Variants in COL14A1 observed in about 807,000 individuals in gnomAD.
COL14A1 encodes the protein collagen type XIV alpha 1 chain.
In COL14A1, 136 loss-of-function variants were observed where a neutral mutation model predicts 230.3. The ratio of observed to expected loss-of-function variants is 0.59; its 90% CI spans 0.51 to 0.68. The LOEUF is 0.68. Among genes scored for constraint, COL14A1 ranks in the 30% least tolerant of loss-of-function variants. COL14A1 has a pLI of 0.00. For synonymous variants in COL14A1, 792 were observed against 784.1 expected (o/e 1.01, Z -0.17); for missense variants, 1,976 against 2,215.8 (o/e 0.89, Z 2.17).
intron 8 of COL14A1, among the ~76,000 whole-genome samples, chr8:120,200,715 T>A (rs574613712): frequency 1.6e-3 from 140 of 85,642 alleles, no homozygotes; most frequent in South Asian, 6.2e-3. Context: ...GTTTTCCTAT[T>A]TATATATATA....
chr8:120,281,565 T>TAAAAA (rs61230108), intron 31 of COL14A1, among the ~76,000 whole-genome samples: 1 of 138,134 alleles, frequency 7.2e-6, no homozygotes. Context: ...ACCCCGTCTT[T>TAAAAA]AAAAAAAAAA....
chr8:120,284,157 T>A (rs1437554173), intron 32 of COL14A1, among the ~76,000 whole-genome samples: 4 of 152,188 alleles, frequency 2.6e-5, no homozygotes, highest in African/African-American at 9.7e-5. Flanking sequence ...ATATTTGATA[T>A]CCCAGAATGG....
intron 36 of COL14A1, among the ~76,000 whole-genome samples, chr8:120,305,377 A>G (rs927654731): frequency 2.6e-5 from 4 of 152,264 alleles, no homozygotes; most frequent in Non-Finnish European, 5.9e-5. Context: ...ATTAAGGAAT[A>G]TGCCTAGGAC....
intron 24 of COL14A1, among the ~76,000 whole-genome samples, chr8:120,265,997 C>G (rs1253799512): frequency 6.6e-6 from 1 of 151,968 alleles, no homozygotes; most frequent in East Asian, 1.9e-4. Flanking sequence ...CTGTGAATGG[C>G]TATGTTTAGT....
intron 26 of COL14A1, among the ~76,000 whole-genome samples, chr8:120,271,627 CAG>C (rs1819668788): frequency 6.6e-6 from 1 of 151,486 alleles, no homozygotes; most frequent in Non-Finnish European, 1.5e-5. Context: ...AATTTCCAGA[CAG>C]AGAAAATGAT....
At chr8:120,341,434 T>A in intron 43 of COL14A1, 74 bp downstream of exon 43, 1 of 1,468,428 alleles carries the variant, frequency 6.8e-7, no homozygotes, top group Non-Finnish European at 9.5e-7. Flanking sequence ...TGATAAAGGA[T>A]CATCATTTAA....
intron 22 of COL14A1, among the ~76,000 whole-genome samples, chr8:120,253,309 C>T (rs1234015681): frequency 1.3e-5 from 2 of 152,070 alleles, no homozygotes; most frequent in Non-Finnish European, 2.9e-5. Context: ...ACGCCCAGCC[C>T]TGTGATTTTT....
At chr8:120,369,093 T>C (rs1262017293) in intron 46 of COL14A1, among the ~76,000 whole-genome samples, 1 of 152,206 alleles carries the variant, frequency 6.6e-6, no homozygotes, top group Non-Finnish European at 1.5e-5. Context: ...AGATGCATTT[T>C]GCTTGCCAGT....
intron 9 of COL14A1, among the ~76,000 whole-genome samples, chr8:120,204,700 G>A (rs1235110297): frequency 6.6e-6 from 1 of 152,164 alleles, no homozygotes; most frequent in Non-Finnish European, 1.5e-5. Context: ...TAGTACAATG[G>A]CTGGATCATA....
chr8:120,330,550 C>G (rs1821828563), intron 40 of COL14A1, among the ~76,000 whole-genome samples: 1 of 152,220 alleles, frequency 6.6e-6, no homozygotes, highest in South Asian at 2.1e-4. Flanking sequence ...TGTTCACAAT[C>G]ATGAGAACAT....
chr8:120,322,162 G>A lies in COL14A1; in HGVS notation c.4659+6165G>A, dbSNP rs562671682. On this transcript the variant is annotated intron_variant, in intron 40 of 47. Coordinates refer to ENST00000297848, the MANE Select transcript of COL14A1 (RefSeq NM_021110.4). ...ACTGCATGTTCTCACTTATAAGTGG[G>A]AACTGAACAATGAGATAACATGGAC... 1.9e-4 allele frequency among the ~76,000 whole-genome samples: 28 copies of A among 148,542 alleles called. No homozygotes were observed. In the South Asian group the frequency reaches 5.4e-3, roughly 28 times the overall value.
At chr8:120,136,488 G>T (rs1814711211) in intron 1 of COL14A1, among the ~76,000 whole-genome samples, 1 of 151,772 alleles carries the variant, frequency 6.6e-6, no homozygotes, top group South Asian at 2.1e-4. Flanking sequence ...CATGCTAAAT[G>T]ATTTAAAAAT....
At chr8:120,229,852 G>T (rs1350986828) in intron 18 of COL14A1, among the ~76,000 whole-genome samples, 2 of 152,222 alleles carry the variant, frequency 1.3e-5, no homozygotes, top group East Asian at 1.9e-4. Context: ...TTGCACTTCT[G>T]TTGCTCTCTG....
chr8:120,268,744 G>C (rs1369632262), intron 25 of COL14A1, among the ~76,000 whole-genome samples: 1 of 151,712 alleles, frequency 6.6e-6, no homozygotes, highest in African/African-American at 2.4e-5. Flanking sequence ...TTCTACCCCA[G>C]AGGTAACTCC....
intron 8 of COL14A1, among the ~76,000 whole-genome samples, chr8:120,200,352 T>C (rs894200103): frequency 7.9e-5 from 12 of 152,006 alleles, no homozygotes; most frequent in Non-Finnish European, 1.3e-4. Context: ...CAATCTTTAG[T>C]CCAAATAAAA....
intron 5 of COL14A1, among the ~76,000 whole-genome samples, chr8:120,183,023 G>A (rs1475998674): frequency 6.6e-6 from 1 of 151,920 alleles, no homozygotes; most frequent in Admixed American, 6.6e-5. Flanking sequence ...CACCACGCCC[G>A]GCCTAAAGCA....
intron 35 of COL14A1, among the ~76,000 whole-genome samples, 182 bp from the exon 36 acceptor site, chr8:120,300,550 G>A (rs774175132): frequency 1.3e-5 from 2 of 151,970 alleles, no homozygotes; most frequent in African/African-American, 2.4e-5. Flanking sequence ...CAGTGACTAG[G>A]AGGTACCCAT....
At chr8:120,295,611 T>C (rs2129994151) in intron 34 of COL14A1, among the ~76,000 whole-genome samples, 1 of 151,988 alleles carries the variant, frequency 6.6e-6, no homozygotes, top group East Asian at 1.9e-4. Context: ...CTGTCCTCAA[T>C]ACTGTCACTG....
chr8:120,157,948 G>C (rs1472419421), intron 2 of COL14A1, among the ~76,000 whole-genome samples, 182 bp from the exon 3 acceptor site: 2 of 152,182 alleles, frequency 1.3e-5, no homozygotes, highest in African/African-American at 2.4e-5. Flanking sequence ...TCGTGCCACT[G>C]CACTCCAGCC....
Sources: allele counts gnomAD v4.1 joint callset (sites outside exome capture counted in the v4.1 genomes callset), GRCh38; gene constraint gnomAD v4.1.1; transcripts MANE v1.5; gene names NCBI Gene and HGNC (gene_info 2026-07-23, HGNC 2026-07-21).